The following LTBP1 variants were observed in gnomAD, a reference collection of about 807,000 sequenced individuals.
LTBP1 encodes the protein latent transforming growth factor beta binding protein 1, also known as latent-transforming growth factor beta-binding protein 1.
LTBP1 carries 129 observed loss-of-function variants against 207.6 expected under a neutral mutation model. The observed-to-expected ratio is 0.62, with a 90% CI of 0.54 to 0.72. The LOEUF (loss-of-function observed/expected upper bound fraction) is 0.72, where lower values mean the gene tolerates loss of function less well. Among genes scored for constraint, LTBP1 ranks in the 30% least tolerant of loss-of-function variants. The pLI, the probability that LTBP1 is intolerant of heterozygous loss-of-function variation, is 0.00. For missense variants in LTBP1, 2,281 were observed against 2,217.2 expected, an observed-to-expected ratio of 1.03 and a Z score of -0.58; for synonymous variants, 963 against 833.7, an observed-to-expected ratio of 1.16 and a Z score of -2.67.
intron 7 of LTBP1, 42 bp downstream of exon 7, chr2:33,188,893 A>G (rs1048036374): frequency 1.3e-5 from 20 of 1,563,488 alleles, no homozygotes; most frequent in Non-Finnish European, 1.6e-5. Context: ...TGTCTTACAG[A>G]TATGGTATCA....
chr2:33,067,907 C>T (rs2077600528), intron 3 of LTBP1, among the ~76,000 whole-genome samples: 3 of 152,060 alleles, frequency 2.0e-5, no homozygotes, highest in African/African-American at 7.2e-5. Context: ...TGAAGAGCTT[C>T]CACTTAACTT....
At chr2:33,185,637 G>T (rs1383163816) in intron 5 of LTBP1, among the ~76,000 whole-genome samples, 1 of 152,164 alleles carries the variant, frequency 6.6e-6, no homozygotes, top group Non-Finnish European at 1.5e-5. Context: ...CAGGAGGAAG[G>T]AGCAAAATAG....
rs1305784297 is a variant in LTBP1, at chr2:33,397,158, A to G, written c.4860A>G (p.Leu1620=). ...QDRFLNSFEE[L]QAEECGILNG... The stretch of plus-strand genomic sequence containing the variant: ...GTTTTCTAAATAGCTTTGAGGAGTT[A>G]CAGGCTGAGGAATGCGGCATCCTCA... Residue 1620 remains leucine (L), a synonymous_variant, in exon 33 of 34, where the codon TTA becomes TTG. Coordinates refer to ENST00000404816, the MANE Select transcript of LTBP1 (RefSeq NM_206943.4). The G allele has an allele frequency of 6.2e-7, 1 of 1,614,104 alleles. No individual in the cohort carries two copies. Among genetic ancestry groups the G allele is most frequent in the Non-Finnish European group, 8.5e-7 (1 of 1,179,984 alleles).
chr2:33,298,166 T>C (rs1337519064), intron 20 of LTBP1, among the ~76,000 whole-genome samples: 1 of 152,234 alleles, frequency 6.6e-6, no homozygotes, highest in Non-Finnish European at 1.5e-5. Flanking sequence ...ATGCTATCCC[T>C]CATTAGAAAA....
At chr2:33,393,299 T>A (rs1211349294) in intron 32 of LTBP1, among the ~76,000 whole-genome samples, 1 of 151,110 alleles carries the variant, frequency 6.6e-6, no homozygotes, top group Non-Finnish European at 1.5e-5. Context: ...TTTTTAAATT[T>A]TTTAAATTAT....
In LTBP1 at chr2:32,947,163, G is replaced by T. The variant is rs890004736; in HGVS notation, c.-162G>T. On this transcript the variant is annotated 5_prime_UTR_variant, in exon 1 of 34. Coordinates refer to ENST00000404816, the MANE Select transcript of LTBP1 (RefSeq NM_206943.4). ...GGCCGGGGTCTGGGGCCGCTCAGCT[G>T]CCCGCAGAGCCTCCTCCCTCGCCAC... is the stretch of plus-strand genomic sequence containing the variant. The T allele has an allele frequency of 4.6e-6, 2 of 432,152 alleles. No individual in the cohort carries two copies. Among genetic ancestry groups the T allele is most frequent in the Non-Finnish European group, 7.5e-6 (2 of 268,244 alleles). 26.8% of individuals were successfully genotyped at this position (432,152 alleles called of 1,614,324 possible).
chr2:33,046,112 T>A (rs1243283088), intron 3 of LTBP1, among the ~76,000 whole-genome samples: 1 of 152,210 alleles, frequency 6.6e-6, no homozygotes, highest in Non-Finnish European at 1.5e-5. Context: ...TCTTTCTTTC[T>A]CTTGCCTGAT....
At chr2:33,020,396 T>G (rs1224314132) in intron 2 of LTBP1, among the ~76,000 whole-genome samples, 4 of 152,114 alleles carry the variant, frequency 2.6e-5, no homozygotes, top group African/African-American at 9.7e-5. Context: ...TAAATTAAAT[T>G]TTAAGTTAAG....
chr2:33,047,212 T>A (rs2076491943), intron 3 of LTBP1, among the ~76,000 whole-genome samples: 1 of 152,208 alleles, frequency 6.6e-6, no homozygotes, highest in South Asian at 2.1e-4. Context: ...TGTTAGGGTG[T>A]TGATTTTAGA....
At chr2:32,969,180 C>A (rs1205776106) in intron 2 of LTBP1, among the ~76,000 whole-genome samples, 2 of 149,904 alleles carry the variant, frequency 1.3e-5, no homozygotes. Flanking sequence ...CCTGCATCGG[C>A]CTCCCAAAGT....
In LTBP1 at chr2:33,341,714, C is replaced by CA. The variant is rs1212498794; in HGVS notation, c.3731-1108dup. Among the ~76,000 whole-genome samples, 121 of 113,046 alleles carry CA rather than the reference C, an allele frequency of 1.1e-3. 1 individual carries two copies. Among genetic ancestry groups the CA allele is most frequent in the African/African-American group, 2.5e-3 (58 of 23,360 alleles). The allele number at this position is 113,046 out of a possible 152,430, so 74.2% of individuals were successfully genotyped here. A position where few individuals can be genotyped will look rare whatever the true frequency, so the allele number is the denominator to read the frequency against. On this transcript the variant is annotated intron_variant, in intron 24 of 33. Coordinates refer to ENST00000404816, the MANE Select transcript of LTBP1 (RefSeq NM_206943.4). ...CGACAGAGTGAGACTCCGTCTCACT[C>CA]AAAAAAAAAAAAAAAATATATATAT... is the stretch of plus-strand genomic sequence containing the variant.
chr2:33,383,121 C>T (rs541901576), intron 31 of LTBP1, among the ~76,000 whole-genome samples: 73 of 152,264 alleles, frequency 4.8e-4, no homozygotes, highest in African/African-American at 1.8e-3. Context: ...TTTGGGAGGC[C>T]GAGGCAGGCA....
At chr2:33,323,637 C>T (rs2094387561) in intron 24 of LTBP1, among the ~76,000 whole-genome samples, 1 of 151,492 alleles carries the variant, frequency 6.6e-6, no homozygotes, top group South Asian at 2.1e-4. Flanking sequence ...TCAAAACAAA[C>T]AAACAAACAA....
At chr2:33,111,027 C>T (rs1371745395) in intron 4 of LTBP1, among the ~76,000 whole-genome samples, 1 of 152,112 alleles carries the variant, frequency 6.6e-6, no homozygotes, top group African/African-American at 2.4e-5. Flanking sequence ...GACATATTTG[C>T]TCTAACTTTG....
chr2:33,307,085 C>CAAAAAAAAAA (rs1291775472), intron 22 of LTBP1, among the ~76,000 whole-genome samples: 2 of 151,714 alleles, frequency 1.3e-5, no homozygotes, highest in Non-Finnish European at 3.0e-5. Context: ...GACTCCATCT[C>CAAAAAAAAAA]AAAAACAAAA....
chr2:32,963,959 G>A (rs1572848857), intron 2 of LTBP1, among the ~76,000 whole-genome samples: 3 of 152,202 alleles, frequency 2.0e-5, no homozygotes. Flanking sequence ...TAACGAAGGA[G>A]CAACATTTTA....
intron 22 of LTBP1, among the ~76,000 whole-genome samples, chr2:33,303,726 C>T (rs950157139): frequency 6.6e-6 from 1 of 152,118 alleles, no homozygotes; most frequent in African/African-American, 2.4e-5. Flanking sequence ...GTTCGCCCTC[C>T]TATGAGAATC....
rs779168923 is a variant in LTBP1, at chr2:32,975,583, G to GTTTTTTTTTTTTTT, written c.565+26663_565+26676dup. Among the ~76,000 whole-genome samples, 5 of 31,382 alleles carry GTTTTTTTTTTTTTT rather than the reference G, an allele frequency of 1.6e-4. 1 individual carries two copies. Among genetic ancestry groups the GTTTTTTTTTTTTTT allele is most frequent in the African/African-American group, 4.1e-4 (3 of 7,286 alleles). 20.6% of individuals were successfully genotyped at this position (31,382 alleles called of 152,430 possible). ...TTGTTGGAGGTTTCATTCATTCTTT[G>GTTTTTTTTTTTTTT]TTTTTTTTTTTTTTTTTTTTTTTTT... On this transcript the variant is annotated intron_variant, in intron 2 of 33. Transcript: ENST00000404816.
At chr2:33,320,104 A>T (rs2094332601) in intron 24 of LTBP1, among the ~76,000 whole-genome samples, 1 of 152,158 alleles carries the variant, frequency 6.6e-6, no homozygotes, top group South Asian at 2.1e-4. Context: ...ATGGTAGCTC[A>T]CACCTGTGAT....
Sources: allele counts gnomAD v4.1 joint callset (sites outside exome capture counted in the v4.1 genomes callset), GRCh38; gene constraint gnomAD v4.1.1; transcripts MANE v1.5; gene names NCBI Gene and HGNC (gene_info 2026-07-23, HGNC 2026-07-21).